Variants in FBN2 observed in about 807,000 individuals in gnomAD.
FBN2 encodes the protein fibrillin 2, also known as fibrillin-2.
A neutral mutation model predicts 355.6 loss-of-function variants in FBN2; 105 were observed. The observed-to-expected ratio is 0.30, with a 90% CI of 0.25 to 0.35. The LOEUF (loss-of-function observed/expected upper bound fraction) is 0.35, where lower values mean the gene tolerates loss of function less well. Among genes scored for constraint, FBN2 ranks in the 10% least tolerant of loss-of-function variants. FBN2 has a pLI of 1.00. For synonymous variants in FBN2, 1,350 were observed against 1,301.2 expected (o/e 1.04, Z -0.81); for missense variants, 3,280 against 3,758.7 (o/e 0.87, Z 3.33).
intron 59 of FBN2, 85 bp downstream of exon 59, chr5:128,275,953 T>A: frequency 1.4e-6 from 2 of 1,466,300 alleles, no homozygotes; most frequent in Non-Finnish European, 1.9e-6. Flanking sequence ...GTGATGCACA[T>A]GGCATAATTC....
chr5:128,294,576 C>G (rs1749441608), intron 48 of FBN2, among the ~76,000 whole-genome samples: 1 of 148,852 alleles, frequency 6.7e-6, no homozygotes, highest in Non-Finnish European at 1.5e-5. Flanking sequence ...ATTTGCATTT[C>G]TCTGATGGCC....
chr5:128,492,810 A>G (rs1234999419), intron 5 of FBN2, among the ~76,000 whole-genome samples: 1 of 149,640 alleles, frequency 6.7e-6, no homozygotes, highest in African/African-American at 2.5e-5. Flanking sequence ...TCTCAAAAAA[A>G]AAAAAAAAAA....
At chr5:128,267,709 T>C (rs56743709) in intron 62 of FBN2, among the ~76,000 whole-genome samples, 124 of 152,344 alleles carry the variant, frequency 8.1e-4, no homozygotes, top group African/African-American at 3.0e-3. Flanking sequence ...CCTTGCAGAT[T>C]CTGGATATTA....
intron 11 of FBN2, among the ~76,000 whole-genome samples, chr5:128,380,003 C>T (rs1261266607): frequency 6.6e-6 from 1 of 152,044 alleles, no homozygotes; most frequent in Admixed American, 6.6e-5. Flanking sequence ...TTTATGTAAA[C>T]ACTCAGACTG....
At chr5:128,374,324 C>T (rs1752025515) in intron 15 of FBN2, among the ~76,000 whole-genome samples, 1 of 152,034 alleles carries the variant, frequency 6.6e-6, no homozygotes, top group Non-Finnish European at 1.5e-5. Flanking sequence ...ACATTTTAAT[C>T]ACCTCAAAAA....
intron 5 of FBN2, among the ~76,000 whole-genome samples, chr5:128,498,319 T>A (rs1581349726): frequency 6.6e-6 from 1 of 152,202 alleles, no homozygotes; most frequent in Non-Finnish European, 1.5e-5. Context: ...ATCTCACCAG[T>A]CACGGGATAA....
intron 7 of FBN2, among the ~76,000 whole-genome samples, chr5:128,423,451 T>G (rs1260991617): frequency 1.3e-5 from 2 of 151,996 alleles, no homozygotes; most frequent in African/African-American, 4.8e-5. Context: ...AACCATCAGA[T>G]CTCATAAGAC....
At chr5:128,399,842 C>T (rs1205828013) in intron 8 of FBN2, among the ~76,000 whole-genome samples, 5 of 151,784 alleles carry the variant, frequency 3.3e-5, no homozygotes, top group African/African-American at 1.2e-4. Context: ...GAAAGAGAAT[C>T]GAGTTCACGG....
chr5:128,472,350 G>C (rs558924057), intron 5 of FBN2, among the ~76,000 whole-genome samples: 1 of 152,154 alleles, frequency 6.6e-6, no homozygotes, highest in Non-Finnish European at 1.5e-5. Context: ...TGGTTGGCAG[G>C]GGTTTGGGGT....
chr5:128,444,048 CTTGT>C (rs1257002824), intron 7 of FBN2, among the ~76,000 whole-genome samples: 14 of 124,450 alleles, frequency 1.1e-4, no homozygotes, highest in African/African-American at 4.8e-4. Context: ...GCAAATATCA[CTTGT>C]TCTTTTTTTT....
At chr5:128,307,063 A>G in intron 42 of FBN2, 72 bp downstream of exon 42, 1 of 989,978 alleles carries the variant, frequency 1.0e-6, no homozygotes, top group African/African-American at 1.6e-5. Flanking sequence ...CTTGAATTTT[A>G]AAAACATAGA....
chr5:128,268,000 A>C (rs1293670937), intron 62 of FBN2, among the ~76,000 whole-genome samples: 1 of 152,208 alleles, frequency 6.6e-6, no homozygotes, highest in Non-Finnish European at 1.5e-5. Flanking sequence ...GCTAATTCAA[A>C]AGCTAACAGA....
chr5:128,369,146 T>C, intron 16 of FBN2, 36 bp downstream of exon 16: 1 of 1,609,580 alleles, frequency 6.2e-7, no homozygotes. Flanking sequence ...TATTTCTTGA[T>C]TCTTTATCAA....
chr5:128,268,103 T>A (rs561072668), intron 62 of FBN2, among the ~76,000 whole-genome samples: 1 of 152,178 alleles, frequency 6.6e-6, no homozygotes, highest in Admixed American at 6.5e-5. Context: ...GCTGGCTTTT[T>A]GAAAAAATTA....
At chr5:128,339,344 A>G (rs1750936112) in intron 25 of FBN2, among the ~76,000 whole-genome samples, 1 of 152,160 alleles carries the variant, frequency 6.6e-6, no homozygotes, top group Admixed American at 6.5e-5. Context: ...AAAGGGGGGC[A>G]TGGTGACTCA....
At chr5:128,508,651 C>T (rs989119680) in intron 5 of FBN2, among the ~76,000 whole-genome samples, 1 of 151,828 alleles carries the variant, frequency 6.6e-6, no homozygotes, top group Admixed American at 6.6e-5. Flanking sequence ...ATATATTTAC[C>T]CACATAGTTA....
In FBN2 at chr5:128,369,000, C is replaced by T. The variant is rs1751858445; in HGVS notation, c.2248+182G>A. Among the ~76,000 whole-genome samples the T allele has an allele frequency of 2.6e-5, 4 of 152,150 alleles. No individual in the cohort carries two copies. In the South Asian group the frequency reaches 8.3e-4, roughly 32 times the overall value. ...CTGTGTGTTCTGTTGGCCTAGAAAT[C>T]GTATATAAACACAAGCCAAATCTCC... On this transcript the variant is annotated intron_variant, in intron 16 of 64. Transcript: ENST00000262464.
chr5:128,272,055 T>C lies in FBN2; in HGVS notation c.7904A>G (p.Tyr2635Cys). ...GTAGCCTTGGGGGCAGCCACATCTG[T>C]AGCCACCCAGGATGTTCTGGCAGCC... ...QHGCQNILGG[Y>C]RCGCPQGYIQ... Residue 2635 changes from tyrosine to cysteine, a missense_variant, in exon 62 of 65, where the codon TAC (tyrosine) becomes TGC (cysteine). Tyr to Cys is a radical substitution (Grantham distance 194). Around this residue, in one of 6 missense-constraint regions of FBN2, gnomAD observed 2,284 missense variants for 2,749.5 expected, o/e 0.83. Transcript: ENST00000262464. The C allele has an allele frequency of 6.2e-7, 1 of 1,614,042 alleles. No individual in the cohort carries two copies. Among genetic ancestry groups the C allele is most frequent in the Non-Finnish European group, 8.5e-7 (1 of 1,179,936 alleles).
intron 7 of FBN2, among the ~76,000 whole-genome samples, chr5:128,443,933 T>C (rs866649113): frequency 4.6e-5 from 7 of 152,068 alleles, no homozygotes; most frequent in African/African-American, 1.7e-4. Context: ...CACTACATTA[T>C]CCATAAAACT....
Sources: allele counts gnomAD v4.1 joint callset (sites outside exome capture counted in the v4.1 genomes callset), GRCh38; gene constraint gnomAD v4.1.1; regional missense constraint gnomAD v4.1.1; transcripts MANE v1.5; gene names NCBI Gene and HGNC (gene_info 2026-07-23, HGNC 2026-07-21).